Variants in OR4K2 observed in about 807,000 individuals in gnomAD.
The protein encoded by OR4K2 is olfactory receptor 4K2.
A neutral mutation model predicts 10.5 loss-of-function variants in OR4K2; 8 were observed. The ratio of observed to expected loss-of-function variants is 0.76; its 90% CI spans 0.45 to 1.37. OR4K2 has a LOEUF of 1.37. Ranked by LOEUF, OR4K2 falls within the 40% of genes most tolerant of loss-of-function variation. The probability of loss-of-function intolerance (pLI) is 0.00; values close to 1 mark genes in which losing one functional copy is unlikely to be tolerated. For synonymous variants in OR4K2, 178 were observed against 133.6 expected, an observed-to-expected ratio of 1.33 and a Z score of -2.29; for missense variants, 547 against 379.5, an observed-to-expected ratio of 1.44 and a Z score of -3.67.
At position 19,883,722 on chromosome 14, in the gene OR4K2, G is replaced by A. The variant is rs1881093686; in HGVS notation, c.*6510G>A. On this transcript the variant is annotated 3_prime_UTR_variant, in exon 2 of 2. Coordinates refer to ENST00000641885, the MANE Select transcript of OR4K2 (RefSeq NM_001005501.2). ...AAATTTCCTTTAAGTATATTAAAAT[G>A]TACCTAAATAAAATTGTTCTTCAAG... 1 of 152,202 alleles carries A rather than the reference G, an allele frequency of 6.6e-6. No individual in the cohort carries two copies. Among genetic ancestry groups the A allele is most frequent in the Non-Finnish European group, 1.5e-5 (1 of 68,030 alleles). 9.4% of individuals were successfully genotyped at this position (152,202 alleles called of 1,614,324 possible).
In OR4K2 at chr14:19,881,970, A is replaced by G. The variant is rs1881048359; in HGVS notation, c.*4758A>G. The G allele has an allele frequency of 6.6e-6, 1 of 152,234 alleles. No homozygotes were observed. The highest frequency in any genetic ancestry group is 2.4e-5 in the African/African-American group (1 of 41,460). 9.4% of individuals were successfully genotyped at this position (152,234 alleles called of 1,614,324 possible). On this transcript the variant is annotated 3_prime_UTR_variant, in exon 2 of 2. Transcript: ENST00000641885. ...AAAACGGAAACCATTGGGTAAATTA[A>G]GCAGATTTAATACAATGTATTAAAT...
In OR4K2 at chr14:19,877,430, AG is replaced by A; in HGVS notation, c.*219del. The A allele has an allele frequency of 4.4e-6, 2 of 450,254 alleles. No individual in the cohort carries two copies. 27.9% of individuals were successfully genotyped at this position (450,254 alleles called of 1,614,324 possible). On this transcript the variant is annotated 3_prime_UTR_variant, in exon 2 of 2. Coordinates refer to ENST00000641885, the MANE Select transcript of OR4K2 (RefSeq NM_001005501.2). Reference sequence around the variant, plus strand: ...TAAAAATGTCAGGAGTGACAGTTCCAGTTAGGACATTCAATATCAATAATCA... The same window carrying A: ...TAAAAATGTCAGGAGTGACAGTTCCATTAGGACATTCAATATCAATAATCA...
chr14:19,876,152 A>C lies in OR4K2; in HGVS notation c.-24+18A>C. On this transcript the variant is annotated intron_variant, in intron 1 of 1. Transcript: ENST00000641885. ...TAGTCAAGGTAAGTTTTATGAGAAG[A>C]TAAAATTTCTGAAAGTAGATAATTG... The C allele has an allele frequency of 1.1e-6, 1 of 878,630 alleles. No homozygotes were observed. The highest frequency in any genetic ancestry group is 1.7e-6 in the Non-Finnish European group (1 of 575,422). 54.4% of individuals were successfully genotyped at this position (878,630 alleles called of 1,614,324 possible).
Position 19,881,615 on chromosome 14 carries a change from T to A in OR4K2, c.*4403T>A, listed in dbSNP as rs2138535178. ...ATATAAGGAGATGAATACCTATTTT[T>A]TAAATTAAAAAATGTTCTCGGGCTG... On this transcript the variant is annotated 3_prime_UTR_variant, in exon 2 of 2. Transcript: ENST00000641885. 1 of 152,242 alleles carries A rather than the reference T, an allele frequency of 6.6e-6. No homozygotes were observed. Among genetic ancestry groups the A allele is most frequent in the Non-Finnish European group, 1.5e-5 (1 of 68,022 alleles). The allele number at this position is 152,242 out of a possible 1,614,324, so 9.4% of individuals were successfully genotyped here. A position where few individuals can be genotyped will look rare whatever the true frequency, so the allele number is the denominator to read the frequency against.
At position 19,883,382 on chromosome 14, in the gene OR4K2, C is replaced by G. The variant is rs981018387; in HGVS notation, c.*6170C>G. 6 of 152,228 alleles carry G rather than the reference C, an allele frequency of 3.9e-5. No homozygotes were observed. Among genetic ancestry groups the G allele is most frequent in the Admixed American group, 1.3e-4 (2 of 15,286 alleles). The allele number at this position is 152,228 out of a possible 1,614,324, so 9.4% of individuals were successfully genotyped here. ...GAAGACCCTATTCTCTGAATTCTGG[C>G]GTGTTGGCAAGTTTCTTTGAAACAT... On this transcript the variant is annotated 3_prime_UTR_variant, in exon 2 of 2. Transcript: ENST00000641885.
chr14:19,876,412 G>A lies in OR4K2; in HGVS notation c.145G>A (p.Val49Ile), dbSNP rs762330151. ...GGGTAACAGCCTCATAGTCATCACA[G>A]TTATAGTGGACCCTCACCTACACTC... ...MVGNSLIVIT[V>I]IVDPHLHSPM... The change falls in exon 2 of 2, where the codon GTT becomes ATT. Residue 49 changes from valine (V) to isoleucine (I), a missense_variant. Transcript: ENST00000641885. 3.1e-6 allele frequency: 5 copies of A among 1,613,930 alleles called. No individual in the cohort carries two copies. Among genetic ancestry groups the A allele is most frequent in the East Asian group, 2.2e-5 (1 of 44,894 alleles).
chr14:19,878,378 TTA>T lies in OR4K2; in HGVS notation c.*1172_*1173del, dbSNP rs1880962556. The T allele has an allele frequency of 6.6e-6, 1 of 152,160 alleles. No individual in the cohort carries two copies. Among genetic ancestry groups the T allele is most frequent in the African/African-American group, 2.4e-5 (1 of 41,470 alleles). The allele number at this position is 152,160 out of a possible 1,614,324, so 9.4% of individuals were successfully genotyped here. Reference sequence around the variant, plus strand: ...AATGATATTGATAAAATATAGTGTCTTATATATGATCCAACATGTATCCACAA... The same window carrying T: ...AATGATATTGATAAAATATAGTGTCTTATATGATCCAACATGTATCCACAA... On this transcript the variant is annotated 3_prime_UTR_variant, in exon 2 of 2. Coordinates refer to ENST00000641885, the MANE Select transcript of OR4K2 (RefSeq NM_001005501.2).
Position 19,878,116 on chromosome 14 carries a change from T to C in OR4K2, c.*904T>C, listed in dbSNP as rs1880955418. 6.6e-6 allele frequency: 1 copy of C among 152,254 alleles called. No individual in the cohort carries two copies. Among genetic ancestry groups the C allele is most frequent in the Admixed American group, 6.5e-5 (1 of 15,282 alleles). 9.4% of individuals were successfully genotyped at this position (152,254 alleles called of 1,614,324 possible). On this transcript the variant is annotated 3_prime_UTR_variant, in exon 2 of 2. Coordinates refer to ENST00000641885, the MANE Select transcript of OR4K2 (RefSeq NM_001005501.2). ...AAAATAATGAATCTGCATTTAGTAA[T>C]ACATTGTCAATGTAATAAGTATGTT...
chr14:19,877,096 A>C lies in OR4K2; in HGVS notation c.829A>C (p.Ile277Leu), dbSNP rs755457065. ...TDKILSVFYT[I>L]FTPTLNPIIY... ...CAAGATTCTGTCTGTGTTTTATACC[A>C]TCTTTACTCCCACTCTGAACCCAAT... is the stretch of plus-strand genomic sequence containing the variant. Residue 277 changes from isoleucine (I) to leucine (L), a missense_variant, in exon 2 of 2, where the codon ATC (isoleucine) becomes CTC (leucine). Transcript: ENST00000641885. 26 of 1,609,412 alleles carry C rather than the reference A, an allele frequency of 1.6e-5. No individual in the cohort carries two copies. Among genetic ancestry groups the C allele is most frequent in the Non-Finnish European group, 1.9e-5 (23 of 1,179,836 alleles).
In OR4K2 at chr14:19,877,435, G is replaced by A; in HGVS notation, c.*223G>A. On this transcript the variant is annotated 3_prime_UTR_variant, in exon 2 of 2. Coordinates refer to ENST00000641885, the MANE Select transcript of OR4K2 (RefSeq NM_001005501.2). Reference sequence around the variant, plus strand: ...ATGTCAGGAGTGACAGTTCCAGTTAGGACATTCAATATCAATAATCAATTT... The same window carrying A: ...ATGTCAGGAGTGACAGTTCCAGTTAAGACATTCAATATCAATAATCAATTT... 2 of 430,004 alleles carry A rather than the reference G, an allele frequency of 4.7e-6. No individual in the cohort carries two copies. The highest frequency in any genetic ancestry group is 4.2e-6 in the Non-Finnish European group (1 of 238,956). 26.6% of individuals were successfully genotyped at this position (430,004 alleles called of 1,614,324 possible).
Position 19,877,267 on chromosome 14 carries a change from G to A in OR4K2, c.*55G>A, listed in dbSNP as rs1880934291. ...GCTGTGTTAGGCTTTTCTTTCTAGAGGGTTCTTACCAAATTGTAATTGCCA... is the reference window on the plus strand; with the variant it reads ...GCTGTGTTAGGCTTTTCTTTCTAGAAGGTTCTTACCAAATTGTAATTGCCA... On this transcript the variant is annotated 3_prime_UTR_variant, in exon 2 of 2. Coordinates refer to ENST00000641885, the MANE Select transcript of OR4K2 (RefSeq NM_001005501.2). 1.6e-6 allele frequency: 2 copies of A among 1,264,896 alleles called. No individual in the cohort carries two copies. The highest frequency in any genetic ancestry group is 2.2e-6 in the Non-Finnish European group (2 of 916,896). The allele number at this position is 1,264,896 out of a possible 1,614,324, so 78.4% of individuals were successfully genotyped here.
chr14:19,876,686 T>C lies in OR4K2; in HGVS notation c.419T>C (p.Val140Ala), dbSNP rs1313951768. ...TATGCTTCTGTCATTAGTCCCCAGG[T>C]GTGTGTTGCTCTCGTGGTGGCTTCC... ...LHYASVISPQ[V>A]CVALVVASWI... Residue 140 changes from valine to alanine, a missense_variant, in exon 2 of 2, where the codon GTG becomes GCG. Transcript: ENST00000641885. 6.2e-7 allele frequency: 1 copy of C among 1,614,176 alleles called. No individual in the cohort carries two copies. The highest frequency in any genetic ancestry group is 8.5e-7 in the Non-Finnish European group (1 of 1,180,002).
At position 19,879,307 on chromosome 14, in the gene OR4K2, C is replaced by T. The variant is rs1483637855; in HGVS notation, c.*2095C>T. The T allele has an allele frequency of 6.6e-6, 1 of 152,144 alleles. No individual in the cohort carries two copies. The highest frequency in any genetic ancestry group is 1.9e-4 in the East Asian group (1 of 5,202). 9.4% of individuals were successfully genotyped at this position (152,144 alleles called of 1,614,324 possible). On this transcript the variant is annotated 3_prime_UTR_variant, in exon 2 of 2. Transcript: ENST00000641885. ...AAAAATCTTAGTTAGGACTTTAGGA[C>T]TCATGGTGGTTGGTTTTATCGATAT...
In OR4K2 at chr14:19,876,796, T is replaced by C. The variant is rs1880915472; in HGVS notation, c.529T>C (p.Phe177Leu). 4.3e-6 allele frequency: 7 copies of C among 1,614,226 alleles called. No individual in the cohort carries two copies. In the African/African-American group the frequency reaches 6.7e-5, roughly 15 times the overall value. The change falls in exon 2 of 2, where the codon TTT becomes CTT. Residue 177 changes from phenylalanine to leucine, a missense_variant. Transcript: ENST00000641885. ...PFCGPYEVDSFFCDLPVVFQL... is the reference protein window; with the variant it reads ...PFCGPYEVDSLFCDLPVVFQL... Reference sequence around the variant, plus strand: ...CTGTGGTCCCTATGAGGTAGACAGCTTTTTCTGTGACCTTCCTGTGGTGTT... The same window carrying C: ...CTGTGGTCCCTATGAGGTAGACAGCCTTTTCTGTGACCTTCCTGTGGTGTT...
At position 19,876,822 on chromosome 14, in the gene OR4K2, C is replaced by T; in HGVS notation, c.555C>T (p.Phe185=). ...TTTTCTGTGACCTTCCTGTGGTGTT[C>T]CAGTTGGCTTGTGTGGATACTTATG... ...DSFFCDLPVV[F]QLACVDTYVL... The change falls in exon 2 of 2, where the codon TTC becomes TTT. Residue 185 remains phenylalanine, a synonymous_variant. Transcript: ENST00000641885. The T allele has an allele frequency of 1.2e-6, 2 of 1,614,182 alleles. No individual in the cohort carries two copies. Among genetic ancestry groups the T allele is most frequent in the African/African-American group, 1.3e-5 (1 of 75,068 alleles).
In OR4K2 at chr14:19,881,831, G is replaced by A. The variant is rs948686139; in HGVS notation, c.*4619G>A. On this transcript the variant is annotated 3_prime_UTR_variant, in exon 2 of 2. Coordinates refer to ENST00000641885, the MANE Select transcript of OR4K2 (RefSeq NM_001005501.2). Reference sequence around the variant, plus strand: ...TTTAAAGGAGAGATTTTTTTTTTTAGTTTGAGACTAGAAATAGCAATTTAA... The same window carrying A: ...TTTAAAGGAGAGATTTTTTTTTTTAATTTGAGACTAGAAATAGCAATTTAA... 2 of 150,768 alleles carry A rather than the reference G, an allele frequency of 1.3e-5. No individual in the cohort carries two copies. The highest frequency in any genetic ancestry group is 3.0e-5 in the Non-Finnish European group (2 of 67,688). 9.3% of individuals were successfully genotyped at this position (150,768 alleles called of 1,614,324 possible).
rs1297580879 is a variant in OR4K2, at chr14:19,883,052, A to T, written c.*5840A>T. 2 of 152,240 alleles carry T rather than the reference A, an allele frequency of 1.3e-5. No homozygotes were observed. The highest frequency in any genetic ancestry group is 2.9e-5 in the Non-Finnish European group (2 of 68,142). The allele number at this position is 152,240 out of a possible 1,614,324, so 9.4% of individuals were successfully genotyped here. On this transcript the variant is annotated 3_prime_UTR_variant, in exon 2 of 2. Coordinates refer to ENST00000641885, the MANE Select transcript of OR4K2 (RefSeq NM_001005501.2). Reference sequence around the variant, plus strand: ...ATTTATCTTTTGAAAAACCTGAGTTATTTACCATCTAGGGTCTCCCAGAGT... The same window carrying T: ...ATTTATCTTTTGAAAAACCTGAGTTTTTTACCATCTAGGGTCTCCCAGAGT...
At position 19,883,674 on chromosome 14, in the gene OR4K2, G is replaced by A. The variant is rs906682099; in HGVS notation, c.*6462G>A. The A allele has an allele frequency of 1.3e-5, 2 of 152,186 alleles. No homozygotes were observed. Among genetic ancestry groups the A allele is most frequent in the African/African-American group, 4.8e-5 (2 of 41,466 alleles). 9.4% of individuals were successfully genotyped at this position (152,186 alleles called of 1,614,324 possible). A position where few individuals can be genotyped will look rare whatever the true frequency, so the allele number is the denominator to read the frequency against. ...AAATAGGACTCTATTGCACTCAAGA[G>A]ATTTTAAAACGTTTAAATTTCTAAA... On this transcript the variant is annotated 3_prime_UTR_variant, in exon 2 of 2. Coordinates refer to ENST00000641885, the MANE Select transcript of OR4K2 (RefSeq NM_001005501.2).
At position 19,877,119 on chromosome 14, in the gene OR4K2, A is replaced by T; in HGVS notation, c.852A>T (p.Pro284=). Residue 284 remains proline, a synonymous_variant, in exon 2 of 2, where the codon CCA becomes CCT. Transcript: ENST00000641885. ...CCATCTTTACTCCCACTCTGAACCC[A>T]ATAATCTATACTTTGAGGAATCAAG... ...FYTIFTPTLN[P]IIYTLRNQEV... is the part of the protein sequence containing the mutation. 6.2e-7 allele frequency: 1 copy of T among 1,606,744 alleles called. No homozygotes were observed. Among genetic ancestry groups the T allele is most frequent in the Admixed American group, 1.7e-5 (1 of 60,010 alleles).
Sources: allele counts gnomAD v4.1 joint callset, GRCh38; gene constraint gnomAD v4.1.1; transcripts MANE v1.5; gene names NCBI Gene and HGNC (gene_info 2026-07-23, HGNC 2026-07-21).